The following GABPB1 variants were observed in gnomAD, a reference collection of about 807,000 sequenced individuals.
GABPB1 encodes the protein GA binding protein transcription factor subunit beta 1.
In GABPB1, 15 loss-of-function variants were observed where a neutral mutation model predicts 45.9. The observed-to-expected ratio is 0.33, with a 90% CI of 0.22 to 0.50. The LOEUF (loss-of-function observed/expected upper bound fraction) is 0.50. GABPB1 is among the 20% of genes least tolerant of loss of function. The pLI is 0.98. For synonymous variants in GABPB1, 143 were observed against 154.4 expected, an observed-to-expected ratio of 0.93 and a Z score of 0.55; for missense variants, 252 against 457.5, an observed-to-expected ratio of 0.55 and a Z score of 4.10.
chr15:50,354,295 C>G (rs1018369306), intron 1 of GABPB1: 19 of 439,044 alleles, frequency 4.3e-5, no homozygotes, highest in African/African-American at 3.3e-4. Flanking sequence ...TTCAGAACGG[C>G]AGGCTTCTCC....
rs545308971 is a variant in GABPB1 at position 50,304,188 on chromosome 15, T to A, written c.109-55A>T. Reference sequence around the variant, plus strand: ...ATTTACATTATTGTTACTACACTTCTGTTTATATAGTAAACAGATTTTCTT... The same window carrying A: ...ATTTACATTATTGTTACTACACTTCAGTTTATATAGTAAACAGATTTTCTT... On this transcript the variant is annotated intron_variant, in intron 2 of 8. Coordinates refer to ENST00000380877, the MANE Select transcript of GABPB1 (RefSeq NM_016654.5). The A allele has an allele frequency of 7.5e-5, 107 of 1,432,860 alleles. 1 individual carries two copies. The African/African-American group carries it at 1.4e-3, about 18-fold the overall frequency. 88.8% of individuals were successfully genotyped at this position (1,432,860 alleles called of 1,614,324 possible).
chr15:50,348,542 A>G (rs1595854932), intron 1 of GABPB1, among the ~76,000 whole-genome samples: 2 of 148,060 alleles, frequency 1.4e-5, no homozygotes, highest in Admixed American at 1.4e-4. Context: ...TGAGACACTG[A>G]GCCCGGCCAT....
At chr15:50,346,663 C>G (rs1044112051) in intron 1 of GABPB1, among the ~76,000 whole-genome samples, 1 of 149,166 alleles carries the variant, frequency 6.7e-6, no homozygotes, top group Non-Finnish European at 1.5e-5. Flanking sequence ...CCTCACCCAG[C>G]CCAGGAGGCT....
chr15:50,303,156 A>G (rs1381819851), intron 3 of GABPB1, 33 bp from the exon 4 acceptor site: 1 of 1,502,654 alleles, frequency 6.7e-7, no homozygotes, highest in East Asian at 2.3e-5. Flanking sequence ...TTACTAAAAT[A>G]TGAAATATCA....
At chr15:50,339,567 A>G (rs1595836327) in intron 1 of GABPB1, among the ~76,000 whole-genome samples, 1 of 151,996 alleles carries the variant, frequency 6.6e-6, no homozygotes, top group African/African-American at 2.4e-5. Context: ...CCTAAGCTAT[A>G]TATTTATCAG....
intron 1 of GABPB1, chr15:50,350,693 C>T (rs898263321): frequency 1.3e-5 from 2 of 152,100 alleles, no homozygotes; most frequent in Non-Finnish European, 2.9e-5. Context: ...TCCTTCAGTA[C>T]GATTCCTCTA....
chr15:50,286,260 T>C lies in GABPB1; in HGVS notation c.884-77A>G, dbSNP rs2046149439. On this transcript the variant is annotated intron_variant, in intron 7 of 8. Coordinates refer to ENST00000380877, the MANE Select transcript of GABPB1 (RefSeq NM_016654.5). Reference sequence around the variant, plus strand: ...GAAATAAAACTAGTCTTGACATTGTTGATGCTACTCATCTAAAATAACTAC... The same window carrying C: ...GAAATAAAACTAGTCTTGACATTGTCGATGCTACTCATCTAAAATAACTAC... 3 of 974,288 alleles carry C rather than the reference T, an allele frequency of 3.1e-6. No homozygotes were observed. The Admixed American group carries it at 1.0e-4, about 33-fold the overall frequency. 60.4% of individuals were successfully genotyped at this position (974,288 alleles called of 1,614,324 possible). A position where few individuals can be genotyped will look rare whatever the true frequency, so the allele number is the denominator to read the frequency against.
chr15:50,325,715 T>C (rs780614594), intron 1 of GABPB1, among the ~76,000 whole-genome samples: 1 of 151,358 alleles, frequency 6.6e-6, no homozygotes, highest in African/African-American at 2.4e-5. Flanking sequence ...GTATTTTTAG[T>C]AGAGATGGGG....
rs1345723081 is a variant in GABPB1 at position 50,277,975 on chromosome 15, G to A, written c.*657C>T. Reference sequence around the variant, plus strand: ...TTCTGGTCACTTTCATCATTTCTGTGGGAGAAATACCTATGTAAGTGATGC... The same window carrying A: ...TTCTGGTCACTTTCATCATTTCTGTAGGAGAAATACCTATGTAAGTGATGC... On this transcript the variant is annotated 3_prime_UTR_variant, in exon 9 of 9. Transcript: ENST00000380877. The A allele has an allele frequency of 6.6e-6, 1 of 152,164 alleles. No homozygotes were observed. The highest frequency in any genetic ancestry group is 1.5e-5 in the Non-Finnish European group (1 of 67,986). 9.4% of individuals were successfully genotyped at this position (152,164 alleles called of 1,614,324 possible).
intron 2 of GABPB1, among the ~76,000 whole-genome samples, chr15:50,306,298 G>C (rs927358073): frequency 2.0e-5 from 3 of 152,038 alleles, no homozygotes; most frequent in Non-Finnish European, 2.9e-5. Flanking sequence ...AAACACCTGT[G>C]AATCAACACC....
chr15:50,285,685 C>T (rs552039684), intron 8 of GABPB1, among the ~76,000 whole-genome samples: 2 of 152,014 alleles, frequency 1.3e-5, no homozygotes, highest in Admixed American at 1.3e-4. Context: ...GGACCCCTAG[C>T]CCAATTAGGC....
chr15:50,288,937 C>T lies in GABPB1; in HGVS notation c.883+546G>A, dbSNP rs2046254551. On this transcript the variant is annotated intron_variant, in intron 7 of 8. Transcript: ENST00000380877. Reference sequence around the variant, plus strand: ...ACCTCCTGGGCTCTAGCAATTCTCCCACTCCAGGCTCCCAAGTAGCTGCGA... The same window carrying T: ...ACCTCCTGGGCTCTAGCAATTCTCCTACTCCAGGCTCCCAAGTAGCTGCGA... 2.0e-5 allele frequency among the ~76,000 whole-genome samples: 3 copies of T among 152,112 alleles called. No homozygotes were observed. In the South Asian group the frequency reaches 6.2e-4, roughly 32 times the overall value.
chr15:50,336,789 C>T (rs904893488), intron 1 of GABPB1, among the ~76,000 whole-genome samples: 5 of 150,850 alleles, frequency 3.3e-5, no homozygotes, highest in Admixed American at 2.0e-4. Context: ...GGTTTACTAC[C>T]ATTAAATATA....
chr15:50,297,780 A>T (rs1345998704), intron 6 of GABPB1, among the ~76,000 whole-genome samples: 1 of 152,204 alleles, frequency 6.6e-6, no homozygotes, highest in Non-Finnish European at 1.5e-5. Context: ...GGCTTCAGTG[A>T]GCCAAGATCA....
intron 1 of GABPB1, chr15:50,346,293 T>C (rs1336824952): frequency 6.6e-6 from 1 of 152,166 alleles, no homozygotes; most frequent in Non-Finnish European, 1.5e-5. Flanking sequence ...ATAAGATGAT[T>C]GCCAAGAAGT....
chr15:50,334,966 G>A (rs1340342995), intron 1 of GABPB1, among the ~76,000 whole-genome samples: 1 of 152,030 alleles, frequency 6.6e-6, no homozygotes, highest in Non-Finnish European at 1.5e-5. Context: ...CTCCTCGTAC[G>A]TCTAGTTATC....
At chr15:50,320,713 T>C (rs1358858117) in intron 1 of GABPB1, among the ~76,000 whole-genome samples, 2 of 152,094 alleles carry the variant, frequency 1.3e-5, no homozygotes, top group African/African-American at 4.8e-5. Flanking sequence ...TCACAAGACT[T>C]CTTATAAGAG....
chr15:50,333,297 CA>C (rs1467949354), intron 1 of GABPB1, among the ~76,000 whole-genome samples: 2 of 152,082 alleles, frequency 1.3e-5, no homozygotes, highest in Admixed American at 6.6e-5. Flanking sequence ...CTCGTCTCTA[CA>C]AATAATTTTA....
intron 7 of GABPB1, 25 bp from the exon 8 acceptor site, chr15:50,286,208 T>A (rs2046146682): frequency 7.0e-7 from 1 of 1,422,382 alleles, no homozygotes; most frequent in African/African-American, 1.5e-5. Flanking sequence ...AAATTATGTA[T>A]TACTTCATTT....
Sources: allele counts gnomAD v4.1 joint callset (sites outside exome capture counted in the v4.1 genomes callset), GRCh38; gene constraint gnomAD v4.1.1; transcripts MANE v1.5; gene names NCBI Gene and HGNC (gene_info 2026-07-23, HGNC 2026-07-21).